PCSK6: variants seen among roughly 807,000 people sequenced by gnomAD.
The protein encoded by PCSK6 is proprotein convertase subtilisin/kexin type 6, also known as paired basic amino acid cleaving enzyme 4.
Under a neutral mutation model 123.3 loss-of-function variants are expected in PCSK6, and 85 were observed. The observed-to-expected ratio is 0.69, with a 90% confidence interval of 0.58 to 0.83. PCSK6 has a LOEUF of 0.83. PCSK6 is among the 40% of genes least tolerant of loss of function. PCSK6 has a pLI of 0.00. For missense variants in PCSK6, 1,191 were observed against 1,282.3 expected (o/e 0.93, Z 1.09); for synonymous variants, 508 against 516.0 (o/e 0.98, Z 0.21).
chr15:101,353,186 TC>T (rs1596219511), intron 13 of PCSK6, among the ~76,000 whole-genome samples: 1 of 152,150 alleles, frequency 6.6e-6, no homozygotes, highest in Non-Finnish European at 1.5e-5. Context: ...GACTAGACGG[TC>T]CCGTCTGGGG....
chr15:101,362,895 A>G (rs1010748278), intron 13 of PCSK6, among the ~76,000 whole-genome samples: 1 of 152,058 alleles, frequency 6.6e-6, no homozygotes, highest in African/African-American at 2.4e-5. Flanking sequence ...AGAACCATAG[A>G]CCCTGGCTTT....
intron 1 of PCSK6, among the ~76,000 whole-genome samples, chr15:101,457,127 G>A (rs752680145): frequency 1.1e-4 from 16 of 152,086 alleles, no homozygotes; most frequent in Non-Finnish European, 2.2e-4. Context: ...AGCCAAGATC[G>A]TGCCACCGCA....
chr15:101,465,227 G>A (rs2057429820), intron 1 of PCSK6, among the ~76,000 whole-genome samples: 1 of 152,198 alleles, frequency 6.6e-6, no homozygotes, highest in Admixed American at 6.5e-5. Context: ...GACTCGCATG[G>A]CCACTTGTTG....
chr15:101,483,615 G>T (rs1300381510), intron 1 of PCSK6, among the ~76,000 whole-genome samples: 1 of 152,208 alleles, frequency 6.6e-6, no homozygotes, highest in African/African-American at 2.4e-5. Flanking sequence ...GTTGTGATTT[G>T]GTATGTGGAG....
intron 11 of PCSK6, among the ~76,000 whole-genome samples, chr15:101,378,802 T>C (rs2041825940): frequency 1.3e-5 from 2 of 152,212 alleles, no homozygotes; most frequent in Non-Finnish European, 2.9e-5. Context: ...AGGTGAGAAA[T>C]GCCAACGTAT....
chr15:101,334,808 T>A (rs919393174), intron 13 of PCSK6, among the ~76,000 whole-genome samples: 2 of 152,300 alleles, frequency 1.3e-5, no homozygotes, highest in East Asian at 3.9e-4. Context: ...ACACTCAGGG[T>A]CAGTGGTGTG....
chr15:101,392,507 G>C (rs775716977), intron 8 of PCSK6, among the ~76,000 whole-genome samples: 6 of 151,046 alleles, frequency 4.0e-5, no homozygotes, highest in Non-Finnish European at 8.8e-5. Context: ...CAGCTCCACA[G>C]TCTCATTTTT....
chr15:101,455,942 G>A (rs570495315), intron 1 of PCSK6, among the ~76,000 whole-genome samples: 8 of 150,104 alleles, frequency 5.3e-5, no homozygotes, highest in African/African-American at 1.9e-4. Context: ...GGATTTCTCC[G>A]GCAAGCTGTA....
intron 1 of PCSK6, among the ~76,000 whole-genome samples, chr15:101,476,132 G>C (rs557533406): frequency 2.4e-4 from 37 of 152,288 alleles, no homozygotes; most frequent in Non-Finnish European, 4.0e-4. Context: ...TTCCACATCT[G>C]TAAAATGAGG....
Position 101,398,582 on chromosome 15 carries a change from A to G in PCSK6, c.824-6T>C. 6.2e-7 allele frequency: 1 copy of G among 1,606,634 alleles called. No individual in the cohort carries two copies. Among genetic ancestry groups the G allele is most frequent in the Non-Finnish European group, 8.5e-7 (1 of 1,175,420 alleles). ...GCCGTCCAGCATGCGGATGCCTGAAAGCACAGAGGAGGCTCGGTGTCGGCG... is the reference window on the plus strand; with the variant it reads ...GCCGTCCAGCATGCGGATGCCTGAAGGCACAGAGGAGGCTCGGTGTCGGCG... On this transcript the variant is annotated splice_polypyrimidine_tract_variant and splice_region_variant and intron_variant, in intron 6 of 21. Coordinates refer to ENST00000611716, the MANE Select transcript of PCSK6 (RefSeq NM_002570.5). This position sits in a 1 kb window ranked among gnomAD's most constrained non-coding sequence, Gnocchi z 4.6.
chr15:101,473,997 T>G (rs1247237695), intron 1 of PCSK6, among the ~76,000 whole-genome samples: 1 of 152,232 alleles, frequency 6.6e-6, no homozygotes, highest in African/African-American at 2.4e-5. Flanking sequence ...CAAATCTAAC[T>G]TCTTGTTCTT....
chr15:101,483,060 A>G (rs2057930178), intron 1 of PCSK6, among the ~76,000 whole-genome samples: 1 of 152,230 alleles, frequency 6.6e-6, no homozygotes, highest in Non-Finnish European at 1.5e-5. Context: ...TCTGTCCCTC[A>G]GTTCACACCC....
rs573619970 is a variant in PCSK6 at position 101,312,825 on chromosome 15, A to T, written c.2699+551T>A. 2.6e-5 allele frequency among the ~76,000 whole-genome samples: 4 copies of T among 151,584 alleles called. No individual in the cohort carries two copies. The South Asian group carries it at 8.4e-4, about 32-fold the overall frequency. On this transcript the variant is annotated intron_variant, in intron 20 of 21. Transcript: ENST00000611716. ...CAGCCTGGGCGACAGGCGAGACTCC[A>T]TCTCAAAAAAAACGAAAACAAAAAC...
At chr15:101,333,144 T>C (rs752625321) in intron 13 of PCSK6, among the ~76,000 whole-genome samples, 1 of 150,632 alleles carries the variant, frequency 6.6e-6, no homozygotes, top group Non-Finnish European at 1.5e-5. Flanking sequence ...GGTTTAAGCT[T>C]CTTCTTCTTC....
chr15:101,442,139 T>C (rs2056770303), intron 2 of PCSK6, among the ~76,000 whole-genome samples: 1 of 152,220 alleles, frequency 6.6e-6, no homozygotes, highest in African/African-American at 2.4e-5. Context: ...TCATGTTCCA[T>C]GGTGTAAGCA....
chr15:101,456,181 G>A (rs559730988), intron 1 of PCSK6, among the ~76,000 whole-genome samples: 2 of 152,302 alleles, frequency 1.3e-5, no homozygotes, highest in South Asian at 2.1e-4. Flanking sequence ...TTGGAAGGAG[G>A]GTAAGAGAAG....
Position 101,398,528 on chromosome 15 carries a change from G to C in PCSK6, c.872C>G (p.Ser291Trp). 2 of 1,613,790 alleles carry C rather than the reference G, an allele frequency of 1.2e-6. No individual in the cohort carries two copies. The highest frequency in any genetic ancestry group is 1.3e-5 in the African/African-American group (1 of 75,062). The change falls in exon 7 of 22, where the codon TCG becomes TGG. Residue 291 changes from serine (S) to tryptophan (W), a missense_variant. Coordinates refer to ENST00000611716, the MANE Select transcript of PCSK6 (RefSeq NM_002570.5). The surrounding 1 kb of genome is among the most constrained non-coding windows in gnomAD (Gnocchi z 4.6). ...GDVTDVVEAKSLGIRPNYIDI... is the reference protein window; with the variant it reads ...GDVTDVVEAKWLGIRPNYIDI... ...GATGTAGTTGGGTCTGATGCCCAGC[G>C]ACTTTGCCTCGACCACATCTGTGAC...
At chr15:101,395,623 G>A (rs995438010) in intron 7 of PCSK6, among the ~76,000 whole-genome samples, 23 of 152,168 alleles carry the variant, frequency 1.5e-4, no homozygotes, top group Non-Finnish European at 5.9e-5. Context: ...ATCTTCCAGT[G>A]GCTTCATGGA....
At chr15:101,338,339 C>T (rs1015912956) in intron 13 of PCSK6, among the ~76,000 whole-genome samples, 1 of 151,490 alleles carries the variant, frequency 6.6e-6, no homozygotes, top group Admixed American at 6.6e-5. Flanking sequence ...GCATCCACCT[C>T]CTCTCATTGC....
Sources: gnomAD v4.1 joint callset for allele counts (sites outside exome capture counted in the v4.1 genomes callset) on GRCh38, gnomAD v4.1.1 for gene constraint, Gnocchi (gnomAD v3.1) non-coding constraint, MANE v1.5 for transcripts, NCBI Gene and HGNC (gene_info 2026-07-23, HGNC 2026-07-21) for gene names.